The following H2AZ2 variants were observed in gnomAD, a reference collection of about 807,000 sequenced individuals.
The protein encoded by H2AZ2 is H2A.Z variant histone 2.
H2AZ2 carries 5 observed loss-of-function variants against 15.5 expected under a neutral mutation model. The observed-to-expected ratio is 0.32, with a 90% confidence interval of 0.17 to 0.68. The LOEUF is 0.68. Among genes scored for constraint, H2AZ2 ranks in the 30% least tolerant of loss-of-function variants. The pLI is 0.72. For missense variants in H2AZ2, 42 were observed against 162.5 expected (o/e 0.26, Z 4.03); for synonymous variants, 44 against 57.4 (o/e 0.77, Z 1.05).
intron 3 of H2AZ2, among the ~76,000 whole-genome samples, chr7:44,838,745 G>A (rs1314019911): frequency 6.6e-6 from 1 of 152,182 alleles, no homozygotes; most frequent in Non-Finnish European, 1.5e-5. Context: ...ATAATTCGAT[G>A]TTAAATCCCC....
chr7:44,828,066 T>A (rs1792950763), downstream of H2AZ2: 1 of 152,198 alleles, frequency 6.6e-6, no homozygotes. Flanking sequence ...GTTCACATAT[T>A]ACCAGCAATT....
chr7:44,840,867 T>C (rs1562787940), intron 3 of H2AZ2, 32 bp downstream of exon 3: 1 of 1,432,356 alleles, frequency 7.0e-7, no homozygotes, highest in Non-Finnish European at 9.8e-7. Flanking sequence ...ACCTTCTGGA[T>C]GGCCATATAC....
chr7:44,828,345 C>T (rs1792953951), downstream of H2AZ2: 1 of 152,160 alleles, frequency 6.6e-6, no homozygotes, highest in Admixed American at 6.6e-5. Flanking sequence ...CATGTTCTCA[C>T]TGAACCTCTG....
chr7:44,841,997 C>G (rs905115419), intron 2 of H2AZ2, among the ~76,000 whole-genome samples: 13 of 152,298 alleles, frequency 8.5e-5, no homozygotes, highest in African/African-American at 3.1e-4. Flanking sequence ...TTTCCTAACC[C>G]TAACTTGACC....
chr7:44,835,244 C>T (rs1003398881), intron 4 of H2AZ2: 15 of 395,324 alleles, frequency 3.8e-5, no homozygotes, highest in Admixed American at 1.6e-4. Flanking sequence ...ATTTTTCAAA[C>T]ACAGTTAAAA....
chr7:44,847,093 C>T (rs1022738762), intron 1 of H2AZ2, among the ~76,000 whole-genome samples: 1 of 152,152 alleles, frequency 6.6e-6, no homozygotes, highest in African/African-American at 2.4e-5. Flanking sequence ...GCAGGTAGCT[C>T]CCGTTGAAGT....
downstream of H2AZ2, chr7:44,830,195 A>C (rs376856459): frequency 1.0e-4 from 164 of 1,609,646 alleles, no homozygotes; most frequent in Non-Finnish European, 1.3e-4. Context: ...AATAGAGAAT[A>C]AAAACAGCAG....
At chr7:44,829,912 C>T (rs890169865), downstream of H2AZ2, 4 of 443,610 alleles carry the variant, frequency 9.0e-6, 1 homozygote, top group African/African-American at 8.1e-5. Flanking sequence ...TTTATACATT[C>T]AGAAAATTAC....
At chr7:44,839,329 G>A (rs1793211557) in intron 3 of H2AZ2, among the ~76,000 whole-genome samples, 1 of 152,040 alleles carries the variant, frequency 6.6e-6, no homozygotes, top group South Asian at 2.1e-4. Flanking sequence ...GACCACTTGA[G>A]GCTAGGAGTT....
chr7:44,840,826 T>C (rs1359551549), intron 3 of H2AZ2, 73 bp downstream of exon 3: 5 of 979,090 alleles, frequency 5.1e-6, no homozygotes, highest in Non-Finnish European at 7.9e-6. Context: ...TTCAAATATA[T>C]TCCATGGGTT....
intron 3 of H2AZ2, among the ~76,000 whole-genome samples, chr7:44,839,501 C>A (rs1179930606): frequency 6.6e-6 from 1 of 151,330 alleles, no homozygotes; most frequent in Non-Finnish European, 1.5e-5. Context: ...ACGGTGAAAC[C>A]CCGTCTCTAC....
At chr7:44,845,582 C>G (rs970466935) in intron 1 of H2AZ2, among the ~76,000 whole-genome samples, 2 of 152,096 alleles carry the variant, frequency 1.3e-5, no homozygotes, top group African/African-American at 4.8e-5. Flanking sequence ...AAGAAGTAGT[C>G]ACTAATAAAA....
chr7:44,829,791 T>C, downstream of H2AZ2: 1 of 191,874 alleles, frequency 5.2e-6, no homozygotes, highest in Non-Finnish European at 1.1e-5. Context: ...GTTCTCACTC[T>C]TTCCAGTGCC....
chr7:44,845,513 C>T (rs1443882536), intron 1 of H2AZ2, among the ~76,000 whole-genome samples: 4 of 152,096 alleles, frequency 2.6e-5, no homozygotes, highest in Non-Finnish European at 4.4e-5. Context: ...ACTTAAAAAC[C>T]TCTCAACTGG....
chr7:44,831,021 G>A (rs1476114119), downstream of H2AZ2, among the ~76,000 whole-genome samples: 2 of 152,076 alleles, frequency 1.3e-5, no homozygotes, highest in African/African-American at 4.8e-5. Flanking sequence ...ACAAACATTA[G>A]CCAGGCATGG....
downstream of H2AZ2, chr7:44,830,221 C>A (rs376329272): frequency 3.0e-5 from 45 of 1,522,992 alleles, no homozygotes; most frequent in East Asian, 9.0e-4. Flanking sequence ...TAAATAAGGG[C>A]CATCTCATAG....
At chr7:44,831,279 T>TG (rs1792994829), downstream of H2AZ2, among the ~76,000 whole-genome samples, 1 of 152,192 alleles carries the variant, frequency 6.6e-6, no homozygotes, top group Non-Finnish European at 1.5e-5. Context: ...CTCAAGGGGT[T>TG]GGGTACAAAT....
chr7:44,829,533 A>AG (rs1792971705), downstream of H2AZ2: 2 of 145,198 alleles, frequency 1.4e-5, no homozygotes, highest in South Asian at 4.5e-4. Context: ...CCCGGGAGGG[A>AG]GGGTTGCAGT....
intron 1 of H2AZ2, among the ~76,000 whole-genome samples, chr7:44,846,054 C>G (rs376646396): frequency 6.3e-5 from 6 of 95,958 alleles, no homozygotes; most frequent in Non-Finnish European, 1.5e-4. Context: ...CACACACACA[C>G]ACACACACAG....
Sources: allele counts gnomAD v4.1 joint callset (sites outside exome capture counted in the v4.1 genomes callset), GRCh38; gene constraint gnomAD v4.1.1; transcripts MANE v1.5; gene names NCBI Gene and HGNC (gene_info 2026-07-23, HGNC 2026-07-21).